Variants in BCKDHB observed in about 807,000 individuals in gnomAD.
The protein encoded by BCKDHB is 2-oxoisovalerate dehydrogenase subunit beta, mitochondrial.
In BCKDHB, 41 loss-of-function variants were observed where a neutral mutation model predicts 48.5. The ratio of observed to expected loss-of-function variants is 0.85; its 90% CI spans 0.66 to 1.10. The LOEUF (loss-of-function observed/expected upper bound fraction) is 1.10, where lower values mean the gene tolerates loss of function less well. BCKDHB is among the 50% of genes least tolerant of loss of function. The pLI, the probability that BCKDHB is intolerant of heterozygous loss-of-function variation, is 0.00. For missense variants in BCKDHB, 496 were observed against 494.2 expected (o/e 1.00, Z -0.03); for synonymous variants, 201 against 174.8 (o/e 1.15, Z -1.18).
At chr6:80,205,802 G>GTT (rs1439793264) in intron 8 of BCKDHB, among the ~76,000 whole-genome samples, 1 of 143,976 alleles carries the variant, frequency 6.9e-6, no homozygotes, top group Admixed American at 6.9e-5. Context: ...GTGTGTGTGT[G>GTT]TGTGTGTGTG....
Position 80,129,085 on chromosome 6 carries a change from A to G in BCKDHB, c.275-76A>G, listed in dbSNP as rs922190179. ...TTTGTGATTTAAAATGTAAACATTT[A>G]AATTACTTATTTCTCATTGTTAGTA... On this transcript the variant is annotated intron_variant, in intron 2 of 9. Coordinates refer to ENST00000320393, the MANE Select transcript of BCKDHB (RefSeq NM_183050.4). The G allele has an allele frequency of 8.0e-6, 9 of 1,131,164 alleles. No individual in the cohort carries two copies. In the African/African-American group the frequency reaches 1.3e-4, roughly 16 times the overall value. The allele number at this position is 1,131,164 out of a possible 1,614,324, so 70.1% of individuals were successfully genotyped here. A position where few individuals can be genotyped will look rare whatever the true frequency, so the allele number is the denominator to read the frequency against.
At chr6:80,374,255 C>A in the BCKDHB span, 1 of 781,436 alleles carries the variant, frequency 1.3e-6, no homozygotes, top group South Asian at 1.3e-5. Flanking sequence ...CATCTAAACC[C>A]TTAAGTTCAC....
intron 1 of BCKDHB, among the ~76,000 whole-genome samples, chr6:80,120,817 G>A (rs750807894): frequency 2.2e-4 from 33 of 152,226 alleles, no homozygotes; most frequent in Non-Finnish European, 3.7e-4. Flanking sequence ...TAGGTTGCCC[G>A]TTCACTCTGA....
chr6:80,258,762 A>G (rs74697118), intron 8 of BCKDHB, among the ~76,000 whole-genome samples: 1 of 152,026 alleles, frequency 6.6e-6, no homozygotes, highest in Non-Finnish European at 1.5e-5. Context: ...AAAAAAAAAA[A>G]GCATCCATTT....
At chr6:80,422,230 CA>C in the BCKDHB span, among the ~76,000 whole-genome samples, 1 of 152,174 alleles carries the variant, frequency 6.6e-6, no homozygotes, top group Admixed American at 6.5e-5. Context: ...GGTACAAACC[CA>C]AAGCCTTGTT....
At chr6:80,417,167 C>A in the BCKDHB span, among the ~76,000 whole-genome samples, 1 of 152,044 alleles carries the variant, frequency 6.6e-6, no homozygotes, top group Non-Finnish European at 1.5e-5. Context: ...ATTAGGATTG[C>A]AACTCCTTTT....
chr6:80,399,821 A>T, the BCKDHB span, among the ~76,000 whole-genome samples: 6 of 151,652 alleles, frequency 4.0e-5, no homozygotes, highest in Non-Finnish European at 7.4e-5. Context: ...AGCTGGAGGC[A>T]TCATGCAACT....
chr6:80,121,612 T>A (rs1770024225), intron 1 of BCKDHB, among the ~76,000 whole-genome samples: 2 of 152,066 alleles, frequency 1.3e-5, no homozygotes, highest in South Asian at 4.2e-4. Context: ...GTATTTTATT[T>A]TGTTTGTAGC....
the BCKDHB span, among the ~76,000 whole-genome samples, chr6:80,395,598 G>T: frequency 1.3e-5 from 2 of 152,220 alleles, no homozygotes; most frequent in Non-Finnish European, 2.9e-5. Context: ...AAAATTTGTA[G>T]CCTGAAGATT....
chr6:80,349,098 T>C (rs980095609), downstream of BCKDHB, among the ~76,000 whole-genome samples: 1 of 152,344 alleles, frequency 6.6e-6, no homozygotes, highest in East Asian at 1.9e-4. Context: ...ATCATAAATA[T>C]GACTTAAGTT....
intron 7 of BCKDHB, among the ~76,000 whole-genome samples, chr6:80,201,242 T>C (rs1183112894): frequency 6.6e-6 from 1 of 152,216 alleles, no homozygotes; most frequent in African/African-American, 2.4e-5. Context: ...ATGTGATGAT[T>C]TGATATATGC....
At chr6:80,308,666 C>A (rs1413203501) in intron 9 of BCKDHB, among the ~76,000 whole-genome samples, 2 of 151,028 alleles carry the variant, frequency 1.3e-5, no homozygotes, top group Admixed American at 6.6e-5. Context: ...GTGATCCCGG[C>A]TCACTGCAAG....
rs890631250 is a variant in BCKDHB at position 80,345,064 on chromosome 6, A to C, written c.*1260A>C. 6.6e-6 allele frequency: 1 copy of C among 152,222 alleles called. No individual in the cohort carries two copies. The highest frequency in any genetic ancestry group is 1.9e-4 in the East Asian group (1 of 5,192). 9.4% of individuals were successfully genotyped at this position (152,222 alleles called of 1,614,324 possible). On this transcript the variant is annotated 3_prime_UTR_variant, in exon 10 of 10. Transcript: ENST00000320393. ...TTTTTAACAAGTGAATATTTTTTACATAATGGATAATAAATGGTATTTATT... is the reference window on the plus strand; with the variant it reads ...TTTTTAACAAGTGAATATTTTTTACCTAATGGATAATAAATGGTATTTATT...
At chr6:80,193,718 T>G (rs1041086098) in intron 6 of BCKDHB, among the ~76,000 whole-genome samples, 1 of 114,060 alleles carries the variant, frequency 8.8e-6, no homozygotes, top group Non-Finnish European at 1.7e-5. Context: ...AGACTCTGTC[T>G]CAAAAAAAAA....
chr6:80,198,359 T>C (rs1231324362), intron 6 of BCKDHB, among the ~76,000 whole-genome samples: 1 of 152,242 alleles, frequency 6.6e-6, no homozygotes, highest in Non-Finnish European at 1.5e-5. Flanking sequence ...ATAAGTTTTC[T>C]AACACTGCTT....
chr6:80,459,510 G>A, the BCKDHB span, among the ~76,000 whole-genome samples: 6 of 152,224 alleles, frequency 3.9e-5, no homozygotes, highest in Middle Eastern at 6.8e-3. Context: ...TAATTATCAG[G>A]CATAAAGCTT....
In BCKDHB at chr6:80,219,628, G is replaced by GA. The variant is rs574585995; in HGVS notation, c.951+16417dup. Among the ~76,000 whole-genome samples, 20 of 152,220 alleles carry GA rather than the reference G, an allele frequency of 1.3e-4. No individual in the cohort carries two copies. In the South Asian group the frequency reaches 3.9e-3, roughly 30 times the overall value. ...AAAGGCACCATTTCCTGGGTCCTGC[G>GA]ATTTGCTCTTCCATGGTTATCTTTC... On this transcript the variant is annotated intron_variant, in intron 8 of 9. Transcript: ENST00000320393.
At chr6:80,300,180 T>C (rs1253050701) in intron 9 of BCKDHB, among the ~76,000 whole-genome samples, 1 of 151,724 alleles carries the variant, frequency 6.6e-6, no homozygotes, top group Non-Finnish European at 1.5e-5. Flanking sequence ...GCCTCCCAAA[T>C]AGCTGGGACC....
At chr6:80,376,408 G>C in the BCKDHB span, among the ~76,000 whole-genome samples, 8 of 152,144 alleles carry the variant, frequency 5.3e-5, no homozygotes, top group East Asian at 1.5e-3. Context: ...CTAGTAAGCA[G>C]GGCTGAGAAC....
Sources: gnomAD v4.1 joint callset for allele counts (sites outside exome capture counted in the v4.1 genomes callset) on GRCh38, gnomAD v4.1.1 for gene constraint, MANE v1.5 for transcripts, NCBI Gene and HGNC (gene_info 2026-07-23, HGNC 2026-07-21) for gene names.